CRYBG3: variants seen among roughly 807,000 people sequenced by gnomAD.
The protein encoded by CRYBG3 is very large A-kinase anchor protein.
CRYBG3 carries 127 observed loss-of-function variants against 244.2 expected under a neutral mutation model. The observed-to-expected ratio is 0.52, with a 90% CI of 0.45 to 0.60. The LOEUF is 0.60. CRYBG3 is among the 20% of genes least tolerant of loss of function. CRYBG3 has a pLI of 0.00. For missense variants in CRYBG3, 3,325 were observed against 3,442.5 expected, an observed-to-expected ratio of 0.97 and a Z score of 0.85; for synonymous variants, 1,132 against 1,195.8, an observed-to-expected ratio of 0.95 and a Z score of 1.10.
intron 1 of CRYBG3, among the ~76,000 whole-genome samples, chr3:97,825,728 G>A (rs1280008444): frequency 6.6e-6 from 1 of 152,202 alleles, no homozygotes; most frequent in African/African-American, 2.4e-5. Flanking sequence ...ACCACTCCCA[G>A]TGGAGAGTGA....
Position 97,941,233 on chromosome 3 carries a change from C to G in CRYBG3, c.8591C>G (p.Ser2864Cys). 6.2e-7 allele frequency: 1 copy of G among 1,611,250 alleles called. No individual in the cohort carries two copies. Among genetic ancestry groups the G allele is most frequent in the Non-Finnish European group, 8.5e-7 (1 of 1,177,878 alleles). The change falls in exon 20 of 22, where the codon TCT becomes TGT. Residue 2864 changes from serine to cysteine, a missense_variant. Transcript: ENST00000389622. ...AGTCTAGCAGACACCAGGGCAACAT[C>G]TGTGTGCATTTCTCCCTATAGTGGA... ...TGSLADTRAT[S>C]VCISPYSGKN...
Position 97,876,984 on chromosome 3 carries a change from G to A in CRYBG3, c.5790G>A (p.Arg1930=), listed in dbSNP as rs981996570. 30 of 1,516,522 alleles carry A rather than the reference G, an allele frequency of 2.0e-5. No homozygotes were observed. In the South Asian group the frequency reaches 3.9e-4, roughly 19 times the overall value. 93.9% of individuals were successfully genotyped at this position (1,516,522 alleles called of 1,614,324 possible). The change falls in exon 4 of 22, where the codon AGG becomes AGA. Residue 1930 remains arginine (R), a synonymous_variant. Coordinates refer to ENST00000389622, the MANE Select transcript of CRYBG3 (RefSeq NM_153605.4). ...AAAATAGACTTCCTACATATTTCAG[G>A]GGATATGAATCCCCTACATTAAGTA... ...AHENRLPTYF[R]GYESPTLSKD...
At chr3:97,848,440 T>C (rs2038933948) in intron 2 of CRYBG3, among the ~76,000 whole-genome samples, 1 of 152,136 alleles carries the variant, frequency 6.6e-6, no homozygotes, top group African/African-American at 2.4e-5. Context: ...TAGCTGGGAC[T>C]ACAGGCACGT....
intron 1 of CRYBG3, among the ~76,000 whole-genome samples, chr3:97,835,801 A>C (rs374434701): frequency 6.6e-6 from 1 of 152,002 alleles, no homozygotes; most frequent in African/African-American, 2.4e-5. Flanking sequence ...CTTCAGGACA[A>C]TTTGTTGAAT....
Position 97,909,972 on chromosome 3 carries a change from G to T in CRYBG3, c.8005-2195G>T, listed in dbSNP as rs1358059929. Among the ~76,000 whole-genome samples, 32 of 151,272 alleles carry T rather than the reference G, an allele frequency of 2.1e-4. 1 individual carries two copies. The South Asian group carries it at 6.5e-3, about 31-fold the overall frequency. Reference sequence around the variant, plus strand: ...TGTTAGTTTTCCTTCTAACAGACAGGACCCTCAGCTGCAGGTCTGTTGGAA... The same window carrying T: ...TGTTAGTTTTCCTTCTAACAGACAGTACCCTCAGCTGCAGGTCTGTTGGAA... On this transcript the variant is annotated intron_variant, in intron 15 of 21. Coordinates refer to ENST00000389622, the MANE Select transcript of CRYBG3 (RefSeq NM_153605.4).
At chr3:97,941,753 T>G in intron 20 of CRYBG3, 1 of 153,386 alleles carries the variant, frequency 6.5e-6, no homozygotes, top group East Asian at 1.9e-4. Context: ...AAAATAAAAT[T>G]TAGGGTTCTT....
chr3:97,835,447 G>T (rs1280819683), intron 1 of CRYBG3, among the ~76,000 whole-genome samples: 2 of 152,058 alleles, frequency 1.3e-5, no homozygotes, highest in Non-Finnish European at 2.9e-5. Flanking sequence ...AACTTTCTGG[G>T]CAGAAGGAAC....
intron 19 of CRYBG3, among the ~76,000 whole-genome samples, chr3:97,938,356 G>C (rs114785969): frequency 0.013 from 2,029 of 152,124 alleles, 45 homozygotes; most frequent in African/African-American, 0.047. Context: ...ATCAGCCTAA[G>C]ATCAGCACTT....
At position 97,873,614 on chromosome 3, in the gene CRYBG3, C is replaced by T; in HGVS notation, c.2420C>T (p.Ala807Val). The change falls in exon 4 of 22, where the codon GCC becomes GTC. Residue 807 changes from alanine to valine, a missense_variant. By Grantham distance (64) the Ala-to-Val change is moderately conservative. Coordinates refer to ENST00000389622, the MANE Select transcript of CRYBG3 (RefSeq NM_153605.4). ...IEKSDSLSLE[A>V]KTANIVSKAE... ...AAGTCTGATTCTCTTTCCTTGGAAGCCAAAACTGCTAACATTGTATCAAAA... is the reference window on the plus strand; with the variant it reads ...AAGTCTGATTCTCTTTCCTTGGAAGTCAAAACTGCTAACATTGTATCAAAA... 6.5e-7 allele frequency: 1 copy of T among 1,534,254 alleles called. No homozygotes were observed. The highest frequency in any genetic ancestry group is 1.2e-5 in the South Asian group (1 of 83,652).
rs1299149507 is a variant in CRYBG3, at chr3:97,889,882, AG to A, written c.7440+494del. On this transcript the variant is annotated intron_variant, in intron 10 of 21. Coordinates refer to ENST00000389622, the MANE Select transcript of CRYBG3 (RefSeq NM_153605.4). ...AATGAAAATGGGTAGCAGTGGTGCC[AG>A]GATCAAGCAAATTCAGGGAAAGAAA... is the stretch of plus-strand genomic sequence containing the variant. 4.6e-5 allele frequency among the ~76,000 whole-genome samples: 7 copies of A among 152,298 alleles called. No individual in the cohort carries two copies. In the East Asian group the frequency reaches 1.4e-3, roughly 29 times the overall value.
intron 15 of CRYBG3, among the ~76,000 whole-genome samples, chr3:97,909,302 T>C (rs1298585546): frequency 6.8e-6 from 1 of 147,946 alleles, no homozygotes; most frequent in African/African-American, 2.5e-5. Context: ...CCTGCCTTGC[T>C]AGATTGGGGA....
At chr3:97,855,103 A>C (rs2039044797) in intron 2 of CRYBG3, among the ~76,000 whole-genome samples, 1 of 152,134 alleles carries the variant, frequency 6.6e-6, no homozygotes, top group Non-Finnish European at 1.5e-5. Flanking sequence ...TCAGATGATC[A>C]AAAGGTTTTT....
chr3:97,933,220 A>G (rs762434197), intron 17 of CRYBG3: 2 of 411,330 alleles, frequency 4.9e-6, no homozygotes, highest in Middle Eastern at 3.6e-4. Flanking sequence ...CTTTTTTTAA[A>G]TTAAAAATGC....
In CRYBG3 at chr3:97,915,662, G is replaced by A. The variant is rs1381848505; in HGVS notation, c.8167G>A (p.Glu2723Lys). Residue 2723 changes from glutamate to lysine, a missense_variant, in exon 17 of 22, where the codon GAA becomes AAA. Physicochemically the swap from Glu to Lys is moderately conservative, Grantham distance 56 (BLOSUM62 1). This residue lies in a region of CRYBG3 where 714 missense variants were observed against 803.6 expected (regional missense o/e 0.89). Coordinates refer to ENST00000389622, the MANE Select transcript of CRYBG3 (RefSeq NM_153605.4). ...DMFVNHCVLE[E>K]GLYADLTSCG... ...GTTTGTTAATCACTGTGTGTTAGAA[G>A]AAGGCCTCTATGCTGACCTTACTTC... The A allele has an allele frequency of 3.1e-6, 5 of 1,613,068 alleles. No homozygotes were observed. The highest frequency in any genetic ancestry group is 4.2e-6 in the Non-Finnish European group (5 of 1,179,204).
chr3:97,852,495 A>T (rs895986751), intron 2 of CRYBG3, among the ~76,000 whole-genome samples: 1 of 152,142 alleles, frequency 6.6e-6, no homozygotes, highest in Non-Finnish European at 1.5e-5. Context: ...GATTGGGAGT[A>T]AAGGAAAAGA....
At chr3:97,931,648 G>A (rs1161448919) in intron 17 of CRYBG3, among the ~76,000 whole-genome samples, 1 of 151,972 alleles carries the variant, frequency 6.6e-6, no homozygotes, top group African/African-American at 2.4e-5. Context: ...AGATATCTGG[G>A]CATGCTTTCC....
chr3:97,867,714 A>G (rs2039251715), intron 3 of CRYBG3, among the ~76,000 whole-genome samples: 3 of 152,156 alleles, frequency 2.0e-5, no homozygotes, highest in South Asian at 4.1e-4. Flanking sequence ...TGTAGATCCT[A>G]TGTGTAATTA....
intron 14 of CRYBG3, 122 bp from the exon 15 acceptor site, chr3:97,900,331 G>T: frequency 1.6e-6 from 1 of 615,358 alleles, no homozygotes. Context: ...CTGGATAACA[G>T]AGGAATACTC....
intron 17 of CRYBG3, among the ~76,000 whole-genome samples, chr3:97,922,800 A>G (rs929873268): frequency 2.4e-4 from 36 of 152,164 alleles, no homozygotes; most frequent in Non-Finnish European, 2.9e-5. Context: ...AGGATCTAGA[A>G]CTAGAAATAC....
Sources: gnomAD v4.1 joint callset for allele counts (sites outside exome capture counted in the v4.1 genomes callset) on GRCh38, gnomAD v4.1.1 for gene constraint, gnomAD v4.1.1 regional missense constraint, MANE v1.5 for transcripts, NCBI Gene and HGNC (gene_info 2026-07-23, HGNC 2026-07-21) for gene names.